Variants in SLIT3 observed in about 807,000 individuals in gnomAD.
SLIT3 encodes slit guidance ligand 3.
Under a neutral mutation model 184.0 loss-of-function variants are expected in SLIT3, and 68 were observed. The ratio of observed to expected loss-of-function variants is 0.37; its 90% confidence interval spans 0.30 to 0.45. The LOEUF (loss-of-function observed/expected upper bound fraction) is 0.45. SLIT3 is among the 20% of genes least tolerant of loss of function. The probability of loss-of-function intolerance (pLI) is 1.00; values close to 1 mark genes in which losing one functional copy is unlikely to be tolerated. For missense variants in SLIT3, 1,707 were observed against 2,026.0 expected, an observed-to-expected ratio of 0.84 and a Z score of 3.02; for synonymous variants, 831 against 828.6, an observed-to-expected ratio of 1.00 and a Z score of -0.05.
intron 16 of SLIT3, among the ~76,000 whole-genome samples, chr5:168,755,976 C>G (rs542430711): frequency 2.6e-5 from 4 of 152,314 alleles, no homozygotes; most frequent in African/African-American, 9.6e-5. Flanking sequence ...AAGGTGATGA[C>G]AGTGTTTATA....
intron 4 of SLIT3, among the ~76,000 whole-genome samples, chr5:169,064,528 T>G (rs1758283293): frequency 6.6e-6 from 1 of 152,238 alleles, no homozygotes; most frequent in African/African-American, 2.4e-5. Context: ...TAAAATGACT[T>G]GTTTTAGGTT....
At chr5:168,674,935 G>C (rs1341756334) in intron 32 of SLIT3, among the ~76,000 whole-genome samples, 1 of 152,128 alleles carries the variant, frequency 6.6e-6, no homozygotes, top group Admixed American at 6.5e-5. Flanking sequence ...CTATGAAGTG[G>C]GTGCCAGATA....
chr5:168,709,430 A>G (rs1762479085), intron 25 of SLIT3, among the ~76,000 whole-genome samples: 1 of 152,144 alleles, frequency 6.6e-6, no homozygotes, highest in Non-Finnish European at 1.5e-5. Context: ...CCCCACACCC[A>G]GGTTGTACCC....
intron 4 of SLIT3, among the ~76,000 whole-genome samples, chr5:169,107,683 T>A (rs552457389): frequency 4.6e-5 from 7 of 152,292 alleles, no homozygotes; most frequent in African/African-American, 1.4e-4. Flanking sequence ...CTTGTTTGGG[T>A]CTGGCTGCCC....
chr5:168,816,923 C>T (rs1757349979), intron 8 of SLIT3, among the ~76,000 whole-genome samples: 1 of 152,226 alleles, frequency 6.6e-6, no homozygotes, highest in Non-Finnish European at 1.5e-5. Context: ...ATTATCTTGT[C>T]TTCCAATTTC....
intron 4 of SLIT3, among the ~76,000 whole-genome samples, chr5:168,968,187 C>A (rs9313437): frequency 0.46 from 69,584 of 151,994 alleles, 17,311 homozygotes; most frequent in African/African-American, 0.67. Flanking sequence ...AAGGCTAAGG[C>A]AACTGCTCAG....
chr5:168,755,558 C>A (rs1401734941), intron 16 of SLIT3, among the ~76,000 whole-genome samples: 1 of 151,660 alleles, frequency 6.6e-6, no homozygotes, highest in Non-Finnish European at 1.5e-5. Context: ...CCTCAGCCTC[C>A]CGAGTAGCTG....
chr5:168,996,218 G>A (rs1196971825), intron 4 of SLIT3, among the ~76,000 whole-genome samples: 1 of 152,162 alleles, frequency 6.6e-6, no homozygotes, highest in Non-Finnish European at 1.5e-5. Context: ...CAAACAGAGA[G>A]GCATTAAGTC....
At chr5:169,090,898 G>A (rs78394411) in intron 4 of SLIT3, among the ~76,000 whole-genome samples, 5 of 152,336 alleles carry the variant, frequency 3.3e-5, no homozygotes, top group Admixed American at 6.5e-5. Context: ...GAAAGAATAC[G>A]TGACTGTTAT....
chr5:168,766,499 T>C (rs1269207546), intron 14 of SLIT3, among the ~76,000 whole-genome samples: 4 of 152,212 alleles, frequency 2.6e-5, no homozygotes. Flanking sequence ...AGGAGTTTGG[T>C]CACCAGTTGG....
At chr5:168,773,072 A>G in intron 13 of SLIT3, 128 bp from the exon 14 acceptor site, 1 of 959,200 alleles carries the variant, frequency 1.0e-6, no homozygotes, top group South Asian at 1.7e-5. Context: ...TCGCCCCAGG[A>G]AGCCTTAGGG....
At chr5:169,128,520 C>T (rs1023407747) in intron 4 of SLIT3, among the ~76,000 whole-genome samples, 1 of 152,102 alleles carries the variant, frequency 6.6e-6, no homozygotes, top group Non-Finnish European at 1.5e-5. Flanking sequence ...CCTGCGCCTC[C>T]TGGGTTCAAG....
intron 1 of SLIT3, among the ~76,000 whole-genome samples, chr5:169,281,108 C>T (rs1055767725): frequency 6.6e-6 from 1 of 152,178 alleles, no homozygotes; most frequent in African/African-American, 2.4e-5. Context: ...GCCATAGAGC[C>T]AAGCTGAGCT....
At chr5:169,105,856 A>G (rs1760186074) in intron 4 of SLIT3, among the ~76,000 whole-genome samples, 1 of 152,148 alleles carries the variant, frequency 6.6e-6, no homozygotes, top group Non-Finnish European at 1.5e-5. Flanking sequence ...CCAGTCTACC[A>G]TTGATGGGCA....
chr5:168,821,554 C>T (rs1456086266), intron 7 of SLIT3, among the ~76,000 whole-genome samples: 1 of 152,190 alleles, frequency 6.6e-6, no homozygotes, highest in Non-Finnish European at 1.5e-5. Context: ...TCCATTACTG[C>T]ACTACCCTAT....
chr5:168,979,342 G>A (rs930806991), intron 4 of SLIT3, among the ~76,000 whole-genome samples: 2 of 152,168 alleles, frequency 1.3e-5, no homozygotes, highest in African/African-American at 4.8e-5. Context: ...TCCAAGCAAT[G>A]AGAAAACAAG....
At chr5:168,762,954 C>A (rs974524896) in intron 14 of SLIT3, among the ~76,000 whole-genome samples, 1 of 152,060 alleles carries the variant, frequency 6.6e-6, no homozygotes, top group African/African-American at 2.4e-5. Flanking sequence ...GGCCCTTATG[C>A]TTTTGGGGGT....
chr5:168,761,032 C>T, intron 15 of SLIT3, 96 bp from the exon 16 acceptor site: 1 of 914,900 alleles, frequency 1.1e-6, no homozygotes, highest in African/African-American at 1.6e-5. Context: ...GAACCTCACA[C>T]TCGGTGAAGG....
chr5:168,708,001 C>T lies in SLIT3; in HGVS notation c.2819G>A (p.Arg940His), dbSNP rs764510839. ...TCTQDPVELY[R>H]CACPYSYKGK... ...CTTGTAGCTGTAGGGGCAGGCACAG[C>T]GGTACAGCTCCACAGGGTCCTGGGT... The change falls in exon 26 of 36, where the codon CGC (arginine) becomes CAC (histidine). Residue 940 changes from arginine to histidine, a missense_variant. Arg to His is a conservative substitution (Grantham distance 29). This residue lies in a region of SLIT3 where 1,307 missense variants were observed against 1,511.6 expected (regional missense o/e 0.86). Coordinates refer to ENST00000519560, the MANE Select transcript of SLIT3 (RefSeq NM_003062.4). The T allele has an allele frequency of 9.9e-6, 16 of 1,613,992 alleles. No individual in the cohort carries two copies. Among genetic ancestry groups the T allele is most frequent in the East Asian group, 4.5e-5 (2 of 44,882 alleles).
Sources: gnomAD v4.1 joint callset for allele counts (sites outside exome capture counted in the v4.1 genomes callset) on GRCh38, gnomAD v4.1.1 for gene constraint, gnomAD v4.1.1 regional missense constraint, MANE v1.5 for transcripts, NCBI Gene and HGNC (gene_info 2026-07-23, HGNC 2026-07-21) for gene names.